Variants in EFNB2 observed in about 807,000 individuals in gnomAD.
The protein encoded by EFNB2 is ephrin-B2.
EFNB2 carries 5 observed loss-of-function variants against 32.1 expected under a neutral mutation model. The observed-to-expected ratio is 0.16, with a 90% CI of 0.08 to 0.33. EFNB2 has a LOEUF of 0.33. Among genes scored for constraint, EFNB2 ranks in the 10% least tolerant of loss-of-function variants. The probability of loss-of-function intolerance (pLI) is 1.00; values close to 1 mark genes in which losing one functional copy is unlikely to be tolerated. For missense variants in EFNB2, 263 were observed against 422.6 expected (o/e 0.62, Z 3.31); for synonymous variants, 168 against 166.5 (o/e 1.01, Z -0.07).
chr13:106,504,995 G>A (rs1303798106), intron 2 of EFNB2, among the ~76,000 whole-genome samples: 1 of 152,134 alleles, frequency 6.6e-6, no homozygotes, highest in Non-Finnish European at 1.5e-5. Flanking sequence ...ATTCATAAGA[G>A]CTAACAAATT....
chr13:106,494,733 G>A, intron 4 of EFNB2, 148 bp downstream of exon 4: 1 of 623,418 alleles, frequency 1.6e-6, no homozygotes, highest in Non-Finnish European at 2.9e-6. Flanking sequence ...AATTAATAAT[G>A]ACTCACTGAC....
At chr13:106,505,363 G>A (rs1389360865) in intron 2 of EFNB2, among the ~76,000 whole-genome samples, 1 of 152,174 alleles carries the variant, frequency 6.6e-6, no homozygotes, top group Admixed American at 6.5e-5. Context: ...GCCCTGGACT[G>A]AGTTTTGTTT....
At chr13:106,519,382 G>A (rs897760814) in intron 1 of EFNB2, 1 of 152,168 alleles carries the variant, frequency 6.6e-6, no homozygotes, top group African/African-American at 2.4e-5. Context: ...AGGACAAGGT[G>A]AGTCCTGACA....
At position 106,534,843 on chromosome 13, in the gene EFNB2, T is replaced by C; in HGVS notation, c.122A>G (p.Lys41Arg). The change falls in exon 1 of 5, where the codon AAA (lysine) becomes AGA (arginine). Residue 41 changes from lysine to arginine, a missense_variant and splice_region_variant. Physicochemically the swap from Lys to Arg is conservative, Grantham distance 26. Transcript: ENST00000646441. Reference sequence around the variant, plus strand: ...TAGGGGGATCGCGGACGCCACTTACTTGGAGTTCGAGGAATTCCAATAGAT... The same window carrying C: ...TAGGGGGATCGCGGACGCCACTTACCTGGAGTTCGAGGAATTCCAATAGAT... ...EPIYWNSSNS[K>R]FLPGQGLVLY... is the part of the protein sequence containing the mutation. 2 of 1,611,128 alleles carry C rather than the reference T, an allele frequency of 1.2e-6. No homozygotes were observed. The highest frequency in any genetic ancestry group is 1.7e-6 in the Non-Finnish European group (2 of 1,178,694).
intron 2 of EFNB2, among the ~76,000 whole-genome samples, chr13:106,504,931 G>GTA (rs1273444974): frequency 6.6e-6 from 1 of 152,122 alleles, no homozygotes; most frequent in East Asian, 1.9e-4. Context: ...ACACAAAATA[G>GTA]TATAGATTTA....
In EFNB2 at chr13:106,492,542, A is replaced by C. The variant is rs1373154471; in HGVS notation, c.*498T>G. ...AGAGCCCTGGGTAACAGAACGAGTG[A>C]GACAGTAAGGACTAAACTCTAGAGA... On this transcript the variant is annotated 3_prime_UTR_variant, in exon 5 of 5. Transcript: ENST00000646441. The surrounding 1 kb of genome is among the most constrained non-coding windows in gnomAD (Gnocchi z 5.1). 6.4e-6 allele frequency: 1 copy of C among 157,314 alleles called. No homozygotes were observed. The highest frequency in any genetic ancestry group is 1.4e-5 in the Non-Finnish European group (1 of 70,784). The allele number at this position is 157,314 out of a possible 1,614,324, so 9.7% of individuals were successfully genotyped here.
intron 2 of EFNB2, among the ~76,000 whole-genome samples, chr13:106,498,900 G>A: frequency 6.6e-6 from 1 of 152,120 alleles, no homozygotes; most frequent in East Asian, 1.9e-4. Context: ...GACTTGCAAA[G>A]GGTACTGGAA....
rs1878351087 is a variant in EFNB2, at chr13:106,490,168, A to C, written c.*2872T>G. On this transcript the variant is annotated 3_prime_UTR_variant, in exon 5 of 5. Coordinates refer to ENST00000646441, the MANE Select transcript of EFNB2 (RefSeq NM_004093.4). The stretch of plus-strand genomic sequence containing the variant: ...AAAAAACCAACATTGCTCTATGTAC[A>C]CAATCTGGGTAAGAAAAGCCATTTC... 1 of 152,642 alleles carries C rather than the reference A, an allele frequency of 6.6e-6. No homozygotes were observed. The highest frequency in any genetic ancestry group is 2.1e-4 in the South Asian group (1 of 4,828). The allele number at this position is 152,642 out of a possible 1,614,324, so 9.5% of individuals were successfully genotyped here.
At position 106,528,921 on chromosome 13, in the gene EFNB2, C is replaced by T. The variant is rs116493782; in HGVS notation, c.122+5922G>A. On this transcript the variant is annotated intron_variant, in intron 1 of 4. Transcript: ENST00000646441. ...TTACACCACCTCTAACAGCCTGCCC[C>T]ATTCAACTCAAAGTTTAAGACTCAC... Among the ~76,000 whole-genome samples, 350 of 152,308 alleles carry T rather than the reference C, an allele frequency of 2.3e-3. 1 individual carries two copies. The highest frequency in any genetic ancestry group is 8.1e-3 in the African/African-American group (336 of 41,562).
At chr13:106,520,871 A>T (rs1253932995) in intron 1 of EFNB2, 1 of 152,210 alleles carries the variant, frequency 6.6e-6, no homozygotes, top group East Asian at 1.9e-4. Context: ...ACTGGGGTGT[A>T]GCGATAGGGT....
At chr13:106,524,384 T>A (rs1409241949) in intron 1 of EFNB2, among the ~76,000 whole-genome samples, 1 of 152,248 alleles carries the variant, frequency 6.6e-6, no homozygotes, top group South Asian at 2.1e-4. Flanking sequence ...CCAGACTAGC[T>A]GGGTTTAAAT....
intron 3 of EFNB2, among the ~76,000 whole-genome samples, chr13:106,495,421 A>C (rs1157316396): frequency 6.6e-6 from 1 of 152,240 alleles, no homozygotes; most frequent in Non-Finnish European, 1.5e-5. Flanking sequence ...TTTAGTTTTC[A>C]TTCTGGATAT....
chr13:106,508,117 C>T (rs1238757637), intron 2 of EFNB2, among the ~76,000 whole-genome samples: 1 of 152,084 alleles, frequency 6.6e-6, no homozygotes, highest in Admixed American at 6.5e-5. Context: ...TTCGTAAGGA[C>T]AGCTGTTGCA....
At chr13:106,501,957 C>T (rs1650897856) in intron 2 of EFNB2, among the ~76,000 whole-genome samples, 1 of 152,188 alleles carries the variant, frequency 6.6e-6, no homozygotes, top group Admixed American at 6.5e-5. Flanking sequence ...AAGCCCTCTA[C>T]TTGATGAGAT....
chr13:106,493,542 G>C lies in EFNB2; in HGVS notation c.614-114C>G. Reference sequence around the variant, plus strand: ...AATAAGCCAGGCTTATTACTAACTAGAAGCTGGACTTTGCCTCGCCAATAC... The same window carrying C: ...AATAAGCCAGGCTTATTACTAACTACAAGCTGGACTTTGCCTCGCCAATAC... On this transcript the variant is annotated intron_variant, in intron 4 of 4. Coordinates refer to ENST00000646441, the MANE Select transcript of EFNB2 (RefSeq NM_004093.4). The surrounding 1 kb of genome is among the most constrained non-coding windows in gnomAD (Gnocchi z 6.1). 7.1e-7 allele frequency: 1 copy of C among 1,402,120 alleles called. No homozygotes were observed. Among genetic ancestry groups the C allele is most frequent in the East Asian group, 2.4e-5 (1 of 42,104 alleles). The allele number at this position is 1,402,120 out of a possible 1,614,324, so 86.9% of individuals were successfully genotyped here. A position where few individuals can be genotyped will look rare whatever the true frequency, so the allele number is the denominator to read the frequency against.
Position 106,534,996 on chromosome 13 carries a change from G to T in EFNB2, c.-32C>A. 6.2e-7 allele frequency: 1 copy of T among 1,611,098 alleles called. No homozygotes were observed. The highest frequency in any genetic ancestry group is 1.1e-5 in the South Asian group (1 of 90,840). On this transcript the variant is annotated 5_prime_UTR_variant, in exon 1 of 5. Coordinates refer to ENST00000646441, the MANE Select transcript of EFNB2 (RefSeq NM_004093.4). ...GCCACTCCCAGCTCCGCGCACTCCG[G>T]GCCAAGAAGGGACTGACGGGACGCA...
rs375082309 is a variant in EFNB2, at chr13:106,494,795, G to A, written c.613+86C>T. 8.4e-5 allele frequency: 86 copies of A among 1,024,490 alleles called. 1 individual carries two copies. The African/African-American group carries it at 1.3e-3, about 16-fold the overall frequency. 63.5% of individuals were successfully genotyped at this position (1,024,490 alleles called of 1,614,324 possible). A position where few individuals can be genotyped will look rare whatever the true frequency, so the allele number is the denominator to read the frequency against. On this transcript the variant is annotated intron_variant, in intron 4 of 4. Coordinates refer to ENST00000646441, the MANE Select transcript of EFNB2 (RefSeq NM_004093.4). ...TCCAGCTAATCCTAACTGGTTAGAAGTCTTTAGACTCTGCCCTACCTTTTA... is the reference window on the plus strand; with the variant it reads ...TCCAGCTAATCCTAACTGGTTAGAAATCTTTAGACTCTGCCCTACCTTTTA...
intron 4 of EFNB2, 30 bp downstream of exon 4, chr13:106,494,846 ACAGAC>A (rs749482140): frequency 6.6e-7 from 1 of 1,516,240 alleles, no homozygotes. Context: ...TGTGGTACCC[ACAGAC>A]CTCCATACAC....
intron 1 of EFNB2, among the ~76,000 whole-genome samples, chr13:106,533,496 T>C (rs2138950607): frequency 6.6e-6 from 1 of 152,378 alleles, no homozygotes; most frequent in East Asian, 1.9e-4. Context: ...TGAGCGGTGT[T>C]GAAAGTGCCT....
Sources: allele counts gnomAD v4.1 joint callset (sites outside exome capture counted in the v4.1 genomes callset), GRCh38; gene constraint gnomAD v4.1.1; non-coding constraint Gnocchi (gnomAD v3.1); transcripts MANE v1.5; gene names NCBI Gene and HGNC (gene_info 2026-07-23, HGNC 2026-07-21).